Variants in ELF2 observed in about 807,000 individuals in gnomAD.
The protein encoded by ELF2 is E74 like ETS transcription factor 2, also known as ETS-related transcription factor Elf-2.
In ELF2, 11 loss-of-function variants were observed where a neutral mutation model predicts 54.8. The observed-to-expected ratio is 0.20, with a 90% CI of 0.13 to 0.33. The LOEUF is 0.33. ELF2 is among the 10% of genes least tolerant of loss of function. The pLI is 1.00. For missense variants in ELF2, 513 were observed against 703.0 expected (o/e 0.73, Z 3.06); for synonymous variants, 203 against 245.1 (o/e 0.83, Z 1.61).
intron 4 of ELF2, among the ~76,000 whole-genome samples, chr4:139,101,438 A>G (rs1234123150): frequency 6.6e-6 from 1 of 152,120 alleles, no homozygotes; most frequent in Non-Finnish European, 1.5e-5. Flanking sequence ...CAGCTCTTCT[A>G]TTTTTTGGAG....
intron 4 of ELF2, among the ~76,000 whole-genome samples, chr4:139,121,143 C>G (rs1372954103): frequency 9.2e-6 from 1 of 108,706 alleles, no homozygotes; most frequent in Non-Finnish European, 1.7e-5. Flanking sequence ...GAGTCTTGCT[C>G]TGTCGCCCAG....
intron 1 of ELF2, among the ~76,000 whole-genome samples, chr4:139,158,034 A>G (rs1166965872): frequency 6.6e-6 from 1 of 152,226 alleles, no homozygotes; most frequent in African/African-American, 2.4e-5. Flanking sequence ...AAGGCTGTTT[A>G]TTTCACCTGG....
At chr4:139,078,378 C>T (rs912829253) in intron 4 of ELF2, among the ~76,000 whole-genome samples, 2 of 152,042 alleles carry the variant, frequency 1.3e-5, no homozygotes, top group African/African-American at 2.4e-5. Flanking sequence ...ACTGCAGCAC[C>T]CGATTTACCA....
At chr4:139,154,575 T>TAA (rs529132880) in intron 1 of ELF2, among the ~76,000 whole-genome samples, 1 of 136,724 alleles carries the variant, frequency 7.3e-6, no homozygotes. Flanking sequence ...CTACAACAAT[T>TAA]AAAAAAAAAA....
At position 139,137,851 on chromosome 4, in the gene ELF2, A is replaced by T; in HGVS notation, c.-150T>A. ...TATCCAGAAATCCAGTCTTCTAAAG[A>T]TGATTAACCAGAAAGCCTAAAAAGA... On this transcript the variant is annotated 5_prime_UTR_variant, in exon 3 of 10. Transcript: ENST00000686138. The T allele has an allele frequency of 2.3e-6, 3 of 1,329,716 alleles. No individual in the cohort carries two copies. The highest frequency in any genetic ancestry group is 2.9e-6 in the Non-Finnish European group (3 of 1,040,242). The allele number at this position is 1,329,716 out of a possible 1,614,324, so 82.4% of individuals were successfully genotyped here. A position where few individuals can be genotyped will look rare whatever the true frequency, so the allele number is the denominator to read the frequency against.
At chr4:139,173,855 A>G (rs1560898898) in intron 1 of ELF2, among the ~76,000 whole-genome samples, 1 of 151,918 alleles carries the variant, frequency 6.6e-6, no homozygotes, top group East Asian at 1.9e-4. Context: ...TGAGAGGCCA[A>G]AGAGAGAGGA....
intron 4 of ELF2, among the ~76,000 whole-genome samples, chr4:139,081,829 C>T (rs1007624490): frequency 1.1e-4 from 16 of 152,126 alleles, no homozygotes; most frequent in Non-Finnish European, 4.4e-5. Context: ...TAAAATAAGG[C>T]TTGTAAGGGA....
intron 4 of ELF2, among the ~76,000 whole-genome samples, chr4:139,089,017 A>G (rs1732298181): frequency 6.6e-6 from 1 of 152,228 alleles, no homozygotes; most frequent in Non-Finnish European, 1.5e-5. Flanking sequence ...TCGGCCTCCC[A>G]AAGTGCTGGG....
At chr4:139,097,547 G>A (rs1022980741) in intron 4 of ELF2, among the ~76,000 whole-genome samples, 12 of 150,790 alleles carry the variant, frequency 8.0e-5, no homozygotes, top group African/African-American at 2.4e-4. Flanking sequence ...AACCCAGAAG[G>A]CAGAGGTTTC....
intron 1 of ELF2, among the ~76,000 whole-genome samples, chr4:139,176,172 G>T (rs1377932809): frequency 2.0e-5 from 3 of 152,164 alleles, no homozygotes; most frequent in Non-Finnish European, 2.9e-5. Context: ...GTCACTGGAC[G>T]TGCCTGTTAC....
chr4:139,114,561 T>TCCAGTCTCTCACACACACACACACACACA (rs70940492), intron 4 of ELF2, among the ~76,000 whole-genome samples: 3 of 108,636 alleles, frequency 2.8e-5, no homozygotes, highest in African/African-American at 3.6e-5. Flanking sequence ...GACTTCAGTC[T>TCCAGTCTCTCACACACACACACACACACA]CACACACACA....
chr4:139,074,973 T>C (rs1169159164), intron 4 of ELF2, among the ~76,000 whole-genome samples: 2 of 152,166 alleles, frequency 1.3e-5, no homozygotes, highest in East Asian at 3.8e-4. Flanking sequence ...CAGAGGTGAC[T>C]AAAGATGGAT....
intron 3 of ELF2, among the ~76,000 whole-genome samples, chr4:139,130,814 T>A (rs544004042): frequency 5.3e-5 from 8 of 152,204 alleles, no homozygotes; most frequent in Admixed American, 2.0e-4. Context: ...TCAACAAATT[T>A]TAATATTAAC....
chr4:139,074,358 C>T (rs1045162327), intron 4 of ELF2, among the ~76,000 whole-genome samples: 4 of 152,232 alleles, frequency 2.6e-5, no homozygotes, highest in South Asian at 2.1e-4. Context: ...AACCATGCTG[C>T]GCTAATTTAA....
At chr4:139,116,617 A>T (rs971731548) in intron 4 of ELF2, 1 of 937,906 alleles carries the variant, frequency 1.1e-6, no homozygotes, top group African/African-American at 1.8e-5. Context: ...ATAAAATTAC[A>T]AACATTCTTA....
In ELF2 at chr4:139,060,362, A is replaced by G. The variant is rs1727652829; in HGVS notation, c.1119T>C (p.Pro373=). ...SPGHDASSRS[P]TTTASVSATA... ...TTGCTGACACAGATGCAGTGGTAGT[A>G]GGAGACCTGGATGAAGCATCGTGCC... is the stretch of plus-strand genomic sequence containing the variant. The change falls in exon 9 of 10, where the codon CCT becomes CCC. Residue 373 remains proline, a synonymous_variant. Transcript: ENST00000686138. 3.7e-6 allele frequency: 6 copies of G among 1,613,260 alleles called. No individual in the cohort carries two copies. Among genetic ancestry groups the G allele is most frequent in the Middle Eastern group, 3.4e-4 (2 of 5,822 alleles).
intron 4 of ELF2, among the ~76,000 whole-genome samples, chr4:139,074,011 C>G (rs11939084): frequency 0.29 from 44,767 of 152,054 alleles, 6,755 homozygotes; most frequent in Middle Eastern, 0.35. Flanking sequence ...GCCTGTAATC[C>G]CAGCTACTCA....
chr4:139,063,937 C>A (rs927217670), intron 7 of ELF2, among the ~76,000 whole-genome samples: 1 of 152,006 alleles, frequency 6.6e-6, no homozygotes. Flanking sequence ...TAGTAGGCAG[C>A]GGTCATTAGA....
chr4:139,079,084 C>G (rs772723172), intron 4 of ELF2, among the ~76,000 whole-genome samples: 42 of 151,974 alleles, frequency 2.8e-4, no homozygotes, highest in Non-Finnish European at 5.3e-4. Context: ...CATCAGCACA[C>G]CCAGCTAATT....
Sources: allele counts gnomAD v4.1 joint callset (sites outside exome capture counted in the v4.1 genomes callset), GRCh38; gene constraint gnomAD v4.1.1; transcripts MANE v1.5; gene names NCBI Gene and HGNC (gene_info 2026-07-23, HGNC 2026-07-21).